Variants in PXN observed in about 807,000 individuals in gnomAD.
PXN encodes the protein testicular tissue protein Li 134.
In PXN, 61 loss-of-function variants were observed where a neutral mutation model predicts 103.6. The ratio of observed to expected loss-of-function variants is 0.59; its 90% CI spans 0.48 to 0.73. The LOEUF is 0.73. Among genes scored for constraint, PXN ranks in the 30% least tolerant of loss-of-function variants. PXN has a pLI of 0.00. For synonymous variants in PXN, 562 were observed against 607.8 expected (o/e 0.92, Z 1.11); for missense variants, 1,274 against 1,460.3 (o/e 0.87, Z 2.08).
rs1042103288 is a variant in PXN, at chr12:120,220,713, G to C, written c.832-622C>G. Reference sequence around the variant, plus strand: ...GCTCAGAACCACTGGCCTGGAGCTGGAACTATAGCACGCAAGGGTCACAGG... The same window carrying C: ...GCTCAGAACCACTGGCCTGGAGCTGCAACTATAGCACGCAAGGGTCACAGG... On this transcript the variant is annotated intron_variant, in intron 6 of 14. Coordinates refer to ENST00000637617, the MANE Select transcript of PXN (RefSeq NM_001385981.1). This position sits in a 1 kb window ranked among gnomAD's most constrained non-coding sequence, Gnocchi z 6.1. Among the ~76,000 whole-genome samples the C allele has an allele frequency of 8.5e-5, 13 of 152,136 alleles. No individual in the cohort carries two copies. The highest frequency in any genetic ancestry group is 7.9e-4 in the Admixed American group (12 of 15,272).
chr12:120,243,594 A>G (rs1171531574), intron 1 of PXN, among the ~76,000 whole-genome samples: 1 of 152,220 alleles, frequency 6.6e-6, no homozygotes, highest in African/African-American at 2.4e-5. Flanking sequence ...TAGGAAGCTG[A>G]GGCTGGAAGA....
chr12:120,235,330 A>G (rs36065680), intron 1 of PXN, among the ~76,000 whole-genome samples: 4,991 of 152,256 alleles, frequency 0.033, 112 homozygotes, highest in Non-Finnish European at 0.052. Flanking sequence ...AAAGCAGCTC[A>G]GGAGGGGGTG....
Position 120,212,830 on chromosome 12 carries a change from C to A in PXN, c.2980-250G>T. ...ATGTGGCCTCCTGCAATCCTCCCACCTCGGCCTCCCACAGGGCTGGGATTA... is the reference window on the plus strand; with the variant it reads ...ATGTGGCCTCCTGCAATCCTCCCACATCGGCCTCCCACAGGGCTGGGATTA... On this transcript the variant is annotated intron_variant, in intron 14 of 14. Coordinates refer to ENST00000637617, the MANE Select transcript of PXN (RefSeq NM_001385981.1). The surrounding 1 kb of genome is among the most constrained non-coding windows in gnomAD (Gnocchi z 7.2). 2.5e-6 allele frequency: 1 copy of A among 403,822 alleles called. No homozygotes were observed. The highest frequency in any genetic ancestry group is 4.4e-6 in the Non-Finnish European group (1 of 226,426). The allele number at this position is 403,822 out of a possible 1,614,324, so 25.0% of individuals were successfully genotyped here.
intron 1 of PXN, among the ~76,000 whole-genome samples, chr12:120,254,158 C>T (rs761968119): frequency 6.6e-6 from 1 of 152,044 alleles, no homozygotes; most frequent in Non-Finnish European, 1.5e-5. Flanking sequence ...GGATTACAGG[C>T]GTGAGCCACC....
chr12:120,259,978 G>T (rs924504986), intron 1 of PXN, among the ~76,000 whole-genome samples: 1 of 152,218 alleles, frequency 6.6e-6, no homozygotes, highest in Non-Finnish European at 1.5e-5. Context: ...AGCATGTTCG[G>T]GTGCAGCGGG....
In PXN at chr12:120,216,725, G is replaced by A. The variant is rs766266635; in HGVS notation, c.1992+116C>T. On this transcript the variant is annotated intron_variant, in intron 8 of 14. Coordinates refer to ENST00000637617, the MANE Select transcript of PXN (RefSeq NM_001385981.1). The surrounding 1 kb of genome is among the most constrained non-coding windows in gnomAD (Gnocchi z 5.1). ...AGTCTTCCAAAGTCACAGGAGGCAA[G>A]AAACCCCCACCCTCTCCCCAGATCT... The A allele has an allele frequency of 6.3e-7, 1 of 1,594,796 alleles. No individual in the cohort carries two copies. Among genetic ancestry groups the A allele is most frequent in the South Asian group, 1.1e-5 (1 of 90,420 alleles).
chr12:120,219,861 A>G lies in PXN; in HGVS notation c.1062T>C (p.Leu354=). The G allele has an allele frequency of 6.3e-7, 1 of 1,598,394 alleles. No individual in the cohort carries two copies. The highest frequency in any genetic ancestry group is 8.5e-7 in the Non-Finnish European group (1 of 1,179,788). The change falls in exon 7 of 15, where the codon CTT becomes CTC. Residue 354 remains leucine, a synonymous_variant. Coordinates refer to ENST00000637617, the MANE Select transcript of PXN (RefSeq NM_001385981.1). The surrounding 1 kb of genome is among the most constrained non-coding windows in gnomAD (Gnocchi z 6.5). The part of the protein sequence containing the change: ...VAPSWLDLAG[L]GVMPDTFNSR... ...AGTTGAAGGTGTCAGGCATCACCCC[A>G]AGACCAGCCAAATCAAGCCAGCTGG... is the stretch of plus-strand genomic sequence containing the variant.
Position 120,215,621 on chromosome 12 carries a change from C to T in PXN, c.2342G>A (p.Trp781Ter). ...GCCGTCCCGAGGCCAGCCGGCCGCC[C>T]AGCACCGCTCCCCATCCGCTCTTTG... ...LEQRADGERC[W>*]AAGWPRDGGR... The change falls in exon 10 of 15, where the codon TGG (tryptophan) becomes TAG (stop). Residue 781 changes from tryptophan (W) to a stop codon, truncating the protein, a stop_gained. Transcript: ENST00000637617. LOFTEE classifies it high-confidence loss of function. The surrounding 1 kb of genome is among the most constrained non-coding windows in gnomAD (Gnocchi z 4.9). 3.7e-6 allele frequency: 6 copies of T among 1,612,184 alleles called. No individual in the cohort carries two copies. Among genetic ancestry groups the T allele is most frequent in the Non-Finnish European group, 5.1e-6 (6 of 1,179,334 alleles).
chr12:120,249,003 G>T (rs929062634), intron 1 of PXN, among the ~76,000 whole-genome samples: 2 of 152,068 alleles, frequency 1.3e-5, no homozygotes, highest in African/African-American at 2.4e-5. Context: ...CAGATATGGT[G>T]TTGGGCACCT....
Position 120,217,027 on chromosome 12 carries a change from G to C in PXN, c.1806C>G (p.Ala602=). 3 of 1,583,218 alleles carry C rather than the reference G, an allele frequency of 1.9e-6. No individual in the cohort carries two copies. Among genetic ancestry groups the C allele is most frequent in the Non-Finnish European group, 2.6e-6 (3 of 1,173,144 alleles). The stretch of plus-strand genomic sequence containing the variant: ...CCTGGGATGGGGTCCTGCTCAAGGT[G>C]GCAGGGTCCAGCCGGCGGCGAGGGG... The part of the protein sequence containing the change: ...EPSPRRRLDP[A]TLSRTPSQEQ... The change falls in exon 8 of 15, where the codon GCC becomes GCG. Residue 602 remains alanine (A), a synonymous_variant. Coordinates refer to ENST00000637617, the MANE Select transcript of PXN (RefSeq NM_001385981.1). The surrounding 1 kb of genome is among the most constrained non-coding windows in gnomAD (Gnocchi z 4.1).
rs761990125 is a variant in PXN, at chr12:120,219,696, T to C, written c.1227A>G (p.Thr409=). ...RCHTVPCAGS[T]ALQEPGEPQG... ...GGGGCTCCCCAGGCTCTTGGAGAGC[T>C]GTGCTCCCAGCACAGGGTACAGTGT... The change falls in exon 7 of 15, where the codon ACA becomes ACG. Residue 409 remains threonine (T), a synonymous_variant. Coordinates refer to ENST00000637617, the MANE Select transcript of PXN (RefSeq NM_001385981.1). This position sits in a 1 kb window ranked among gnomAD's most constrained non-coding sequence, Gnocchi z 6.5. The C allele has an allele frequency of 1.3e-5, 21 of 1,593,220 alleles. No homozygotes were observed. The African/African-American group carries it at 2.5e-4, about 19-fold the overall frequency.
chr12:120,247,690 C>T (rs56102477), intron 1 of PXN: 10,534 of 154,552 alleles, frequency 0.068, 436 homozygotes, highest in Middle Eastern at 0.12. Flanking sequence ...GATGAGAATC[C>T]GCAAGTGACT....
At chr12:120,232,808 G>A (rs1026374743) in intron 1 of PXN, among the ~76,000 whole-genome samples, 29 of 152,044 alleles carry the variant, frequency 1.9e-4, no homozygotes, top group African/African-American at 6.3e-4. Flanking sequence ...GTTTTTTTGC[G>A]ATTTTTGTGG....
intron 1 of PXN, chr12:120,226,279 CG>C (rs1407230312): frequency 3.1e-6 from 4 of 1,288,818 alleles, no homozygotes; most frequent in Non-Finnish European, 4.0e-6. Flanking sequence ...GAGCAGGCAA[CG>C]AATGAGTGCA....
At position 120,222,824 on chromosome 12, in the gene PXN, T is replaced by C. The variant is rs1481592176; in HGVS notation, c.493+39A>G. On this transcript the variant is annotated intron_variant, in intron 4 of 14. Transcript: ENST00000637617. The surrounding 1 kb of genome is among the most constrained non-coding windows in gnomAD (Gnocchi z 4.7). ...GATCTAGAGGTCAGCAGATGGGCCC[T>C]GGGCCCTGGTAGACCCTGCCCCAGG... The C allele has an allele frequency of 5.6e-6, 9 of 1,609,092 alleles. No individual in the cohort carries two copies. Among genetic ancestry groups the C allele is most frequent in the African/African-American group, 1.3e-5 (1 of 74,842 alleles).
At chr12:120,238,114 A>T (rs1889440057) in intron 1 of PXN, among the ~76,000 whole-genome samples, 1 of 152,232 alleles carries the variant, frequency 6.6e-6, no homozygotes. Context: ...GGAGCTGCAG[A>T]GTCACGCTGG....
chr12:120,263,926 G>A (rs1440562503), intron 1 of PXN, among the ~76,000 whole-genome samples: 1 of 152,046 alleles, frequency 6.6e-6, no homozygotes, highest in Non-Finnish European at 1.5e-5. Context: ...TTTAGAAACT[G>A]TAACTTTGCT....
rs1388292802 is a variant in PXN at position 120,229,734 on chromosome 12, G to A, written c.14-5357C>T. Reference sequence around the variant, plus strand: ...CCCAGGGAGGTGTTAAGCCCTAGGAGGGGAAAGAAATCACCTCCCCGTCCT... The same window carrying A: ...CCCAGGGAGGTGTTAAGCCCTAGGAAGGGAAAGAAATCACCTCCCCGTCCT... On this transcript the variant is annotated intron_variant, in intron 1 of 14. Transcript: ENST00000637617. This position sits in a 1 kb window ranked among gnomAD's most constrained non-coding sequence, Gnocchi z 4.0. Among the ~76,000 whole-genome samples the A allele has an allele frequency of 6.6e-6, 1 of 152,172 alleles. No homozygotes were observed. Among genetic ancestry groups the A allele is most frequent in the Non-Finnish European group, 1.5e-5 (1 of 68,026 alleles).
chr12:120,250,642 G>A (rs542257810), intron 1 of PXN, among the ~76,000 whole-genome samples: 1 of 152,274 alleles, frequency 6.6e-6, no homozygotes, highest in East Asian at 1.9e-4. Context: ...CCACCAAAGA[G>A]GCTCAGGGGA....
Sources: allele counts gnomAD v4.1 joint callset (sites outside exome capture counted in the v4.1 genomes callset), GRCh38; gene constraint gnomAD v4.1.1; non-coding constraint Gnocchi (gnomAD v3.1); transcripts MANE v1.5; gene names NCBI Gene and HGNC (gene_info 2026-07-23, HGNC 2026-07-21).